BCL2L14: variants seen among roughly 807,000 people sequenced by gnomAD.
BCL2L14 encodes the protein BCL2 like 14.
A neutral mutation model predicts 35.3 loss-of-function variants in BCL2L14; 27 were observed. That is an observed-to-expected ratio of 0.76 (90% CI 0.56 to 1.05). BCL2L14 has a LOEUF of 1.05. Ranked by LOEUF, BCL2L14 falls within the 50% of genes least tolerant of loss-of-function variation. The pLI, the probability that BCL2L14 is intolerant of heterozygous loss-of-function variation, is 0.00. For synonymous variants in BCL2L14, 139 were observed against 145.9 expected (o/e 0.95, Z 0.34); for missense variants, 377 against 382.6 (o/e 0.99, Z 0.12).
At chr12:12,073,602 G>GCGCA (rs1948715931) in intron 1 of BCL2L14, among the ~76,000 whole-genome samples, 1 of 151,460 alleles carries the variant, frequency 6.6e-6, no homozygotes, top group African/African-American at 2.4e-5. Context: ...GCATGCACGC[G>GCGCA]CACACACACA....
At chr12:12,070,450 C>G (rs532153520), upstream of BCL2L14, among the ~76,000 whole-genome samples, 1 of 152,012 alleles carries the variant, frequency 6.6e-6, no homozygotes, top group East Asian at 1.9e-4. Context: ...TTTGGGAGGC[C>G]GAGGAGGGCA....
chr12:12,054,499 A>C (rs1459739876), intron 2 of BCL2L14: 3 of 57,834 alleles, frequency 5.2e-5, no homozygotes, highest in African/African-American at 1.8e-4. Context: ...GCAAGACTCC[A>C]TCTCGAAAAA....
intron 5 of BCL2L14, among the ~76,000 whole-genome samples, chr12:12,096,972 T>C (rs1468135006): frequency 1.3e-5 from 2 of 152,054 alleles, no homozygotes; most frequent in South Asian, 2.1e-4. Flanking sequence ...TGAAACCCCG[T>C]CTCTACTAAA....
intron 3 of BCL2L14, among the ~76,000 whole-genome samples, chr12:12,089,953 G>A (rs954080400): frequency 1.3e-5 from 2 of 152,160 alleles, no homozygotes; most frequent in East Asian, 3.8e-4. Context: ...TTTCCAAAAT[G>A]TAGGCCAGCA....
At chr12:12,092,244 A>G (rs1309247615) in intron 4 of BCL2L14, among the ~76,000 whole-genome samples, 2 of 152,176 alleles carry the variant, frequency 1.3e-5, no homozygotes, top group Non-Finnish European at 2.9e-5. Flanking sequence ...GGTTATGAAG[A>G]GCGATGGTTT....
rs186784660 is a variant in BCL2L14, at chr12:12,051,094, A to G, written c.-323-702A>G. Among the ~76,000 whole-genome samples the G allele has an allele frequency of 7.4e-3, 1,126 of 152,350 alleles. 14 individuals carry two copies. The highest frequency in any genetic ancestry group is 0.026 in the African/African-American group (1,073 of 41,576). ...AGGACTTTTCACTGTAGTAAAGTTC[A>G]GCGTGAAATTGACCTTGTAGGGGCA... is the stretch of plus-strand genomic sequence containing the variant. On this transcript the variant is annotated intron_variant, in intron 1 of 3. Coordinates refer to the BCL2L14 transcript ENST00000461264.
chr12:12,069,686 C>T (rs7958777), upstream of BCL2L14, among the ~76,000 whole-genome samples: 14 of 138,576 alleles, frequency 1.0e-4, no homozygotes, highest in East Asian at 2.1e-4. Flanking sequence ...CCAGCCTGGG[C>T]GACAGAGCAA....
At chr12:12,095,279 C>G (rs1351496689) in intron 5 of BCL2L14, 1 of 985,216 alleles carries the variant, frequency 1.0e-6, no homozygotes, top group Non-Finnish European at 1.2e-6. Flanking sequence ...GGCAGGGAGA[C>G]AAGGGCAGGC....
chr12:12,095,548 T>C (rs1309798932), intron 5 of BCL2L14: 1 of 985,294 alleles, frequency 1.0e-6, no homozygotes, highest in Non-Finnish European at 1.2e-6. Context: ...TCCTTAAGAC[T>C]GCCATGTTCA....
chr12:12,058,163 G>T (rs561693064), intron 2 of BCL2L14, among the ~76,000 whole-genome samples: 1 of 151,856 alleles, frequency 6.6e-6, no homozygotes, highest in Non-Finnish European at 1.5e-5. Context: ...TGTTGGCCAG[G>T]CTGTTCTCCA....
At chr12:12,083,809 G>A (rs778511597) in intron 2 of BCL2L14, among the ~76,000 whole-genome samples, 9 of 152,088 alleles carry the variant, frequency 5.9e-5, no homozygotes, top group South Asian at 2.1e-4. Context: ...TTAGCCAGGC[G>A]CCATGGTGCG....
intron 1 of BCL2L14, chr12:12,077,839 C>T: frequency 7.8e-6 from 2 of 257,494 alleles, no homozygotes; most frequent in Non-Finnish European, 1.6e-5. Flanking sequence ...CTGCCTGGGA[C>T]ATTTCACACG....
Position 12,051,848 on chromosome 12 carries a change from G to T in BCL2L14, c.-272+1G>T, listed in dbSNP as rs953564117. On this transcript the variant is annotated splice_donor_variant, in intron 2 of 3. Coordinates refer to the BCL2L14 transcript ENST00000461264. LOFTEE classifies it low-confidence loss of function (5UTR_SPLICE). ...GGTGATGGACACTAAAACAAAGACC[G>T]TAAGTACTGTAATAGCTACACACAA... 2.0e-5 allele frequency: 3 copies of T among 152,172 alleles called. No individual in the cohort carries two copies. Among genetic ancestry groups the T allele is most frequent in the Non-Finnish European group, 2.9e-5 (2 of 68,040 alleles). 9.4% of individuals were successfully genotyped at this position (152,172 alleles called of 1,614,324 possible).
chr12:12,064,076 C>T (rs1385457585), intron 2 of BCL2L14, among the ~76,000 whole-genome samples: 5 of 152,264 alleles, frequency 3.3e-5, no homozygotes, highest in African/African-American at 1.2e-4. Flanking sequence ...ATGCATGAAA[C>T]TGACCTCAAG....
chr12:12,059,922 C>T (rs1948495331), intron 2 of BCL2L14, among the ~76,000 whole-genome samples: 1 of 152,170 alleles, frequency 6.6e-6, no homozygotes, highest in Admixed American at 6.5e-5. Context: ...GATGTCCAGG[C>T]ATTCTTTTAC....
chr12:12,093,482 T>G (rs1488324582), intron 4 of BCL2L14, among the ~76,000 whole-genome samples: 1 of 151,268 alleles, frequency 6.6e-6, no homozygotes, highest in East Asian at 1.9e-4. Context: ...ACAATAATAA[T>G]AAAAGTTTCT....
intron 5 of BCL2L14, among the ~76,000 whole-genome samples, chr12:12,097,147 A>G (rs942532859): frequency 6.6e-6 from 1 of 152,212 alleles, no homozygotes; most frequent in Non-Finnish European, 1.5e-5. Context: ...TCTGTCTCAA[A>G]AAATAAAAAA....
chr12:12,078,357 T>G (rs1399682952), intron 1 of BCL2L14, among the ~76,000 whole-genome samples: 1 of 152,068 alleles, frequency 6.6e-6, no homozygotes, highest in African/African-American at 2.4e-5. Flanking sequence ...GCATTTCTCT[T>G]CCCTGAATTG....
At chr12:12,097,805 A>G (rs1396950282) in intron 5 of BCL2L14, among the ~76,000 whole-genome samples, 1 of 152,138 alleles carries the variant, frequency 6.6e-6, no homozygotes, top group Non-Finnish European at 1.5e-5. Flanking sequence ...AAACAGTTCC[A>G]ATTAGAAAAA....
Sources: allele counts gnomAD v4.1 joint callset (sites outside exome capture counted in the v4.1 genomes callset), GRCh38; gene constraint gnomAD v4.1.1; transcripts MANE v1.5; gene names NCBI Gene and HGNC (gene_info 2026-07-23, HGNC 2026-07-21).